CCDC171: variants seen among roughly 807,000 people sequenced by gnomAD.
CCDC171 encodes the protein coiled-coil domain-containing protein 171.
CCDC171 carries 177 observed loss-of-function variants against 168.2 expected under a neutral mutation model. The ratio of observed to expected loss-of-function variants is 1.05; its 90% CI spans 0.93 to 1.19. CCDC171 has a LOEUF of 1.19. CCDC171 is among the 50% of genes most tolerant of loss of function. The pLI, the probability that CCDC171 is intolerant of heterozygous loss-of-function variation, is 0.00. For missense variants in CCDC171, 1,991 were observed against 1,539.0 expected (o/e 1.29, Z -4.91); for synonymous variants, 687 against 540.8 (o/e 1.27, Z -3.75).
intron 21 of CCDC171, among the ~76,000 whole-genome samples, chr9:15,829,096 T>A (rs1315550542): frequency 6.6e-6 from 1 of 152,234 alleles, no homozygotes; most frequent in East Asian, 1.9e-4. Flanking sequence ...TTACATTCAG[T>A]CCTCACAGCA....
intron 6 of CCDC171, among the ~76,000 whole-genome samples, chr9:15,602,178 A>T (rs2042907174): frequency 6.6e-6 from 1 of 152,180 alleles, no homozygotes; most frequent in South Asian, 2.1e-4. Context: ...AAAAGAAAAT[A>T]GCTTTTCCTT....
chr9:15,749,503 A>G (rs1265781299), intron 18 of CCDC171, among the ~76,000 whole-genome samples: 5 of 152,180 alleles, frequency 3.3e-5, no homozygotes, highest in Admixed American at 3.3e-4. Context: ...CTCCACCCCA[A>G]ATCAAAGGAA....
At chr9:15,909,455 G>A (rs990384226) in intron 24 of CCDC171, among the ~76,000 whole-genome samples, 1 of 152,062 alleles carries the variant, frequency 6.6e-6, no homozygotes, top group Non-Finnish European at 1.5e-5. Flanking sequence ...AAGCGAGAAG[G>A]TGGTTGGCAG....
intron 3 of CCDC171, among the ~76,000 whole-genome samples, chr9:15,993,243 A>T (rs1006076022): frequency 2.0e-5 from 3 of 152,160 alleles, no homozygotes; most frequent in Admixed American, 6.5e-5. Context: ...GTACCAAAAC[A>T]GAGATACAGA....
the CCDC171 span, among the ~76,000 whole-genome samples, chr9:16,078,920 G>T: frequency 1.2e-3 from 184 of 152,284 alleles, 1 homozygote; most frequent in South Asian, 9.3e-3. Flanking sequence ...TGCTGAATCA[G>T]GAAGGCAGGT....
intron 18 of CCDC171, among the ~76,000 whole-genome samples, chr9:15,751,008 T>C (rs1266949985): frequency 6.6e-6 from 1 of 152,172 alleles, no homozygotes; most frequent in East Asian, 1.9e-4. Flanking sequence ...GGTGAGATGA[T>C]TGTATATTTA....
intron 11 of CCDC171, among the ~76,000 whole-genome samples, chr9:15,695,802 A>G (rs1401543250): frequency 6.6e-6 from 1 of 152,170 alleles, no homozygotes; most frequent in African/African-American, 2.4e-5. Context: ...TTCATTTCCT[A>G]CTACCATATA....
chr9:15,647,309 A>G (rs1240845713), intron 7 of CCDC171, among the ~76,000 whole-genome samples: 2 of 152,250 alleles, frequency 1.3e-5, no homozygotes, highest in Non-Finnish European at 2.9e-5. Context: ...GGAAAGATCT[A>G]AAATCAACAC....
intron 1 of CCDC171, among the ~76,000 whole-genome samples, chr9:16,049,262 G>A (rs10756742): frequency 0.38 from 58,105 of 152,110 alleles, 13,849 homozygotes; most frequent in East Asian, 0.72. Context: ...TTACAGAGAT[G>A]TGTGTGGGTG....
chr9:15,782,298 A>G (rs548801174), intron 20 of CCDC171, among the ~76,000 whole-genome samples: 2 of 152,332 alleles, frequency 1.3e-5, no homozygotes, highest in South Asian at 2.1e-4. Flanking sequence ...TTTAACAGCT[A>G]ACTTCCCCAG....
At chr9:15,663,520 G>A (rs1460347028) in intron 8 of CCDC171, among the ~76,000 whole-genome samples, 3 of 151,640 alleles carry the variant, frequency 2.0e-5, no homozygotes, top group Non-Finnish European at 4.4e-5. Context: ...ATACGCTGAT[G>A]TGGAACCTGC....
At chr9:15,608,944 CAAAAA>C (rs71491669) in intron 6 of CCDC171, among the ~76,000 whole-genome samples, 3 of 13,708 alleles carry the variant, frequency 2.2e-4, no homozygotes, top group South Asian at 0.012. Flanking sequence ...GACCCTGTCT[CAAAAA>C]AAAAAAAAAA....
chr9:15,663,854 C>T (rs988349242), intron 8 of CCDC171, among the ~76,000 whole-genome samples: 2 of 152,142 alleles, frequency 1.3e-5, no homozygotes, highest in East Asian at 1.9e-4. Flanking sequence ...GATCCGCCTG[C>T]CTCGGCCTCC....
intron 1 of CCDC171, among the ~76,000 whole-genome samples, chr9:16,049,827 T>C (rs1833721529): frequency 6.6e-6 from 1 of 152,184 alleles, no homozygotes; most frequent in Non-Finnish European, 1.5e-5. Context: ...TCTGTCTCTC[T>C]GGAGAACCCT....
chr9:15,726,633 G>C (rs1302709057), intron 14 of CCDC171, among the ~76,000 whole-genome samples: 1 of 151,796 alleles, frequency 6.6e-6, no homozygotes, highest in African/African-American at 2.4e-5. Flanking sequence ...ATTACATTTG[G>C]AAAAAAGGTG....
chr9:15,609,977 AT>A (rs1257947856), intron 6 of CCDC171, among the ~76,000 whole-genome samples: 1 of 151,696 alleles, frequency 6.6e-6, no homozygotes, highest in Non-Finnish European at 1.5e-5. Context: ...ATCTTTTTAT[AT>A]TTTTACTCTT....
chr9:15,781,589 T>G (rs561070193), intron 20 of CCDC171, among the ~76,000 whole-genome samples: 112 of 152,170 alleles, frequency 7.4e-4, no homozygotes, highest in African/African-American at 2.5e-3. Context: ...TTTTTTGTAT[T>G]TTTAGTAGAG....
chr9:16,031,533 T>A (rs1833363758), intron 6 of CCDC171, among the ~76,000 whole-genome samples: 3 of 152,280 alleles, frequency 2.0e-5, no homozygotes, highest in Middle Eastern at 6.8e-3. Flanking sequence ...GCACCCTAAT[T>A]TCTCTCTAAA....
intron 6 of CCDC171, among the ~76,000 whole-genome samples, chr9:16,034,402 AGAT>A (rs1564129315): frequency 1.3e-5 from 2 of 152,212 alleles, no homozygotes; most frequent in Non-Finnish European, 2.9e-5. Context: ...TAGTCTGGTG[AGAT>A]GATTTTCAAC....
Sources: allele counts gnomAD v4.1 joint callset (sites outside exome capture counted in the v4.1 genomes callset), GRCh38; gene constraint gnomAD v4.1.1; transcripts MANE v1.5; gene names NCBI Gene and HGNC (gene_info 2026-07-23, HGNC 2026-07-21).